IQCM: variants seen among roughly 807,000 people sequenced by gnomAD.
The protein encoded by IQCM is IQ domain-containing protein M.
A neutral mutation model predicts 57.6 loss-of-function variants in IQCM; 45 were observed. The observed-to-expected ratio is 0.78, with a 90% CI of 0.62 to 1.00. The LOEUF (loss-of-function observed/expected upper bound fraction) is 1.00. Ranked by LOEUF, IQCM falls within the 50% of genes least tolerant of loss-of-function variation. The pLI, the probability that IQCM is intolerant of heterozygous loss-of-function variation, is 0.00. For missense variants in IQCM, 468 were observed against 511.6 expected (o/e 0.91, Z 0.82); for synonymous variants, 148 against 158.9 (o/e 0.93, Z 0.51).
At chr4:149,420,127 C>G (rs941966612) in intron 13 of IQCM, among the ~76,000 whole-genome samples, 1 of 152,054 alleles carries the variant, frequency 6.6e-6, no homozygotes, top group Admixed American at 6.6e-5. Context: ...TTTGACTCTG[C>G]AATCCCATTA....
intron 7 of IQCM, among the ~76,000 whole-genome samples, chr4:149,632,989 G>T (rs543489488): frequency 6.7e-6 from 1 of 150,006 alleles, no homozygotes; most frequent in African/African-American, 2.5e-5. Context: ...GTGAAACCCC[G>T]TCTCTACTAA....
At chr4:149,631,242 G>T (rs1252390766) in intron 7 of IQCM, among the ~76,000 whole-genome samples, 1 of 152,112 alleles carries the variant, frequency 6.6e-6, no homozygotes, top group Non-Finnish European at 1.5e-5. Flanking sequence ...TCGGACTCTT[G>T]CTCCCGGTTT....
intron 5 of IQCM, among the ~76,000 whole-genome samples, chr4:149,713,205 C>A (rs1045700962): frequency 1.3e-5 from 2 of 152,082 alleles, no homozygotes; most frequent in African/African-American, 4.8e-5. Flanking sequence ...TCACCAACAA[C>A]GCTGGACCCC....
intron 7 of IQCM, chr4:149,665,997 A>G (rs1056424952): frequency 2.0e-5 from 3 of 152,202 alleles, no homozygotes; most frequent in African/African-American, 7.2e-5. Flanking sequence ...GGCCACAGAC[A>G]GAAGGCCGCA....
chr4:149,778,110 C>T (rs961769358), intron 2 of IQCM, among the ~76,000 whole-genome samples: 12 of 152,210 alleles, frequency 7.9e-5, no homozygotes, highest in Admixed American at 1.3e-4. Context: ...GGCGCGGTGG[C>T]TCACGCCTGT....
Position 149,619,325 on chromosome 4 carries a change from T to C in IQCM, c.681+1804A>G, listed in dbSNP as rs936792441. Among the ~76,000 whole-genome samples, 12 of 152,020 alleles carry C rather than the reference T, an allele frequency of 7.9e-5. No individual in the cohort carries two copies. The East Asian group carries it at 1.6e-3, about 20-fold the overall frequency. On this transcript the variant is annotated intron_variant, in intron 8 of 13. Coordinates refer to ENST00000636793, the MANE Select transcript of IQCM (RefSeq NM_001363507.2). ...ATCCAATAGACACTGGAGATGCTAA[T>C]AGGTGGGAGGATGGGAAAGGGGTGA...
intron 2 of IQCM, among the ~76,000 whole-genome samples, chr4:149,811,974 G>A (rs956827627): frequency 1.4e-4 from 22 of 152,200 alleles, no homozygotes; most frequent in Non-Finnish European, 3.2e-4. Flanking sequence ...GATATGTTTT[G>A]ATAGAAGGGC....
chr4:149,661,703 T>C (rs899754670), intron 7 of IQCM, among the ~76,000 whole-genome samples: 1 of 152,118 alleles, frequency 6.6e-6, no homozygotes, highest in Non-Finnish European at 1.5e-5. Flanking sequence ...TCTAGGAATT[T>C]ATATGTTTCT....
intron 7 of IQCM, among the ~76,000 whole-genome samples, chr4:149,672,016 G>C (rs1396079345): frequency 6.6e-6 from 1 of 152,154 alleles, no homozygotes; most frequent in Non-Finnish European, 1.5e-5. Context: ...ACAGGGTCTA[G>C]AGTGGACCTC....
intron 2 of IQCM, among the ~76,000 whole-genome samples, chr4:149,757,000 T>C (rs1183028271): frequency 3.9e-5 from 6 of 152,244 alleles, no homozygotes; most frequent in Non-Finnish European, 5.9e-5. Context: ...GGCTCACGCC[T>C]GTAATCCCAG....
chr4:149,352,115 A>G (rs1728624081), intron 13 of IQCM, 49 bp from the exon 14 acceptor site: 1 of 398,578 alleles, frequency 2.5e-6, no homozygotes, highest in Non-Finnish European at 4.4e-6. Flanking sequence ...AATTAATATG[A>G]TAGTAATGTA....
At chr4:149,505,611 A>G (rs1198499677) in intron 12 of IQCM, among the ~76,000 whole-genome samples, 1 of 152,218 alleles carries the variant, frequency 6.6e-6, no homozygotes. Flanking sequence ...GATAATCACC[A>G]GAAACAGTTT....
chr4:149,583,553 T>A (rs982951602), intron 9 of IQCM, among the ~76,000 whole-genome samples: 8 of 151,524 alleles, frequency 5.3e-5, no homozygotes, highest in African/African-American at 1.7e-4. Flanking sequence ...GTCATAGTAA[T>A]CTACAAAGCA....
chr4:149,590,247 C>CTTTTTTTTTTTTTT (rs71596214), intron 8 of IQCM, among the ~76,000 whole-genome samples: 35 of 73,606 alleles, frequency 4.8e-4, no homozygotes, highest in Admixed American at 8.4e-4. Context: ...TTTTTCTTTC[C>CTTTTTTTTTTTTTT]TTTTTTTTTT....
intron 13 of IQCM, among the ~76,000 whole-genome samples, chr4:149,422,679 C>G (rs981148774): frequency 6.6e-6 from 1 of 151,826 alleles, no homozygotes; most frequent in Non-Finnish European, 1.5e-5. Flanking sequence ...AATTTGAATC[C>G]TCAAAGCAGT....
intron 7 of IQCM, among the ~76,000 whole-genome samples, chr4:149,635,352 T>G (rs1325550168): frequency 6.6e-6 from 1 of 152,220 alleles, no homozygotes; most frequent in African/African-American, 2.4e-5. Flanking sequence ...ATTAGCTATC[T>G]TCTCAACTAG....
Position 149,689,893 on chromosome 4 carries a change from A to G in IQCM, c.386-3425T>C, listed in dbSNP as rs186623505. 2.9e-3 allele frequency among the ~76,000 whole-genome samples: 434 copies of G among 151,852 alleles called. 4 individuals are homozygous for G. Among genetic ancestry groups the G allele is most frequent in the Non-Finnish European group, 5.0e-3 (341 of 67,782 alleles). On this transcript the variant is annotated intron_variant, in intron 5 of 13. Coordinates refer to ENST00000636793, the MANE Select transcript of IQCM (RefSeq NM_001363507.2). ...ACCACAATGTGAAAGAACAGCCATAATCAAAAAATTAAAAACAGCAGATGT... is the reference window on the plus strand; with the variant it reads ...ACCACAATGTGAAAGAACAGCCATAGTCAAAAAATTAAAAACAGCAGATGT...
At chr4:149,699,416 T>C (rs1375910767) in intron 5 of IQCM, among the ~76,000 whole-genome samples, 1 of 151,960 alleles carries the variant, frequency 6.6e-6, no homozygotes, top group Non-Finnish European at 1.5e-5. Flanking sequence ...TGTGTTTAGA[T>C]TGATCTTCCC....
chr4:149,362,817 G>A lies in IQCM; in HGVS notation c.1391-10751C>T, dbSNP rs150654604. Among the ~76,000 whole-genome samples, 16 of 152,294 alleles carry A rather than the reference G, an allele frequency of 1.1e-4. 1 individual carries two copies. Among genetic ancestry groups the A allele is most frequent in the African/African-American group, 3.6e-4 (15 of 41,556 alleles). On this transcript the variant is annotated intron_variant, in intron 13 of 13. Transcript: ENST00000636793. ...TCAAAGGGATACATCCAGAACACTGGCAGAAGAAATCTTCTAGGGACCTCT... is the reference window on the plus strand; with the variant it reads ...TCAAAGGGATACATCCAGAACACTGACAGAAGAAATCTTCTAGGGACCTCT...
Sources: gnomAD v4.1 joint callset for allele counts (sites outside exome capture counted in the v4.1 genomes callset) on GRCh38, gnomAD v4.1.1 for gene constraint, MANE v1.5 for transcripts, NCBI Gene and HGNC (gene_info 2026-07-23, HGNC 2026-07-21) for gene names.